The following IRAK3 variants were observed in gnomAD, a reference collection of about 807,000 sequenced individuals.
IRAK3 encodes the protein interleukin 1 receptor associated kinase 3.
A neutral mutation model predicts 56.6 loss-of-function variants in IRAK3; 57 were observed. The ratio of observed to expected loss-of-function variants is 1.01; its 90% CI spans 0.81 to 1.26. IRAK3 has a LOEUF of 1.26. Among genes scored for constraint, IRAK3 ranks in the 50% most tolerant of loss-of-function variants. IRAK3 has a pLI of 0.00. For synonymous variants in IRAK3, 258 were observed against 255.7 expected (o/e 1.01, Z -0.09); for missense variants, 703 against 719.0 (o/e 0.98, Z 0.25).
In IRAK3 at chr12:66,249,665, C is replaced by A; in HGVS notation, c.*1494C>A. On this transcript the variant is annotated 3_prime_UTR_variant, in exon 12 of 12. Coordinates refer to ENST00000261233, the MANE Select transcript of IRAK3 (RefSeq NM_007199.3). ...TTTCCAGCTTCTAGAGGCCACCTGC[C>A]TTCTTTGGCTCATGGCCTCTTCCTC... 1 of 152,750 alleles carries A rather than the reference C, an allele frequency of 6.5e-6. No individual in the cohort carries two copies. Among genetic ancestry groups the A allele is most frequent in the South Asian group, 1.9e-4 (1 of 5,292 alleles). The allele number at this position is 152,750 out of a possible 1,614,324, so 9.5% of individuals were successfully genotyped here. A position where few individuals can be genotyped will look rare whatever the true frequency, so the allele number is the denominator to read the frequency against.
chr12:66,234,662 C>G (rs2052883365), intron 8 of IRAK3: 1 of 1,610,718 alleles, frequency 6.2e-7, no homozygotes, highest in African/African-American at 1.3e-5. Context: ...GGCAGAAACT[C>G]CTGGTGGTGT....
chr12:66,212,583 T>G (rs978629014), intron 5 of IRAK3, among the ~76,000 whole-genome samples: 1 of 152,160 alleles, frequency 6.6e-6, no homozygotes, highest in South Asian at 2.1e-4. Flanking sequence ...GCTCACAGTC[T>G]CTCTGGTGAA....
rs574597561 is a variant in IRAK3 at position 66,212,259 on chromosome 12, G to C, written c.588+662G>C. On this transcript the variant is annotated intron_variant, in intron 5 of 11. Coordinates refer to ENST00000261233, the MANE Select transcript of IRAK3 (RefSeq NM_007199.3). ...CAGGCTAAGCCACAGTTTGGCATTT[G>C]GTACTGCTTTATAAATTGTCTTCTA... 2.0e-5 allele frequency among the ~76,000 whole-genome samples: 3 copies of C among 152,270 alleles called. No individual in the cohort carries two copies. The East Asian group carries it at 5.8e-4, about 29-fold the overall frequency.
At chr12:66,193,169 G>A (rs1232763492) in intron 1 of IRAK3, among the ~76,000 whole-genome samples, 2 of 151,748 alleles carry the variant, frequency 1.3e-5, no homozygotes, top group African/African-American at 2.4e-5. Context: ...CACCATGCCC[G>A]GCTTAATTTT....
intron 5 of IRAK3, among the ~76,000 whole-genome samples, chr12:66,215,784 A>ACGCACG (rs2052665069): frequency 3.5e-5 from 1 of 28,784 alleles, no homozygotes; most frequent in African/African-American, 1.2e-4. Context: ...TTAACCCAAC[A>ACGCACG]TGCACACACA....
At chr12:66,244,376 A>G in intron 8 of IRAK3, 110 bp from the exon 9 acceptor site, 1 of 768,842 alleles carries the variant, frequency 1.3e-6, no homozygotes, top group South Asian at 1.5e-5. Flanking sequence ...CTTTATTTTG[A>G]CAGTGTTTCG....
chr12:66,204,366 G>A (rs2052537210), intron 2 of IRAK3, among the ~76,000 whole-genome samples: 1 of 151,948 alleles, frequency 6.6e-6, no homozygotes, highest in African/African-American at 2.4e-5. Context: ...AATAATCTGG[G>A]GATGTTTCTT....
At chr12:66,240,382 T>C (rs559208364) in intron 8 of IRAK3, among the ~76,000 whole-genome samples, 1 of 152,308 alleles carries the variant, frequency 6.6e-6, no homozygotes, top group East Asian at 1.9e-4. Flanking sequence ...TTGAATACTG[T>C]GTCTCTCAGA....
chr12:66,235,445 G>T (rs1234163524), intron 8 of IRAK3, among the ~76,000 whole-genome samples: 2 of 151,470 alleles, frequency 1.3e-5, no homozygotes, highest in African/African-American at 4.8e-5. Flanking sequence ...GGCGGGGGCT[G>T]CAGCTCCGCG....
At chr12:66,191,820 A>G (rs182197930) in intron 1 of IRAK3, among the ~76,000 whole-genome samples, 2 of 152,362 alleles carry the variant, frequency 1.3e-5, no homozygotes, top group Admixed American at 1.3e-4. Context: ...TTGTATGCTC[A>G]GGACAGCTGA....
intron 8 of IRAK3, among the ~76,000 whole-genome samples, chr12:66,230,241 CT>C (rs1444589639): frequency 1.3e-5 from 2 of 152,198 alleles, no homozygotes. Flanking sequence ...CACTTTCTCA[CT>C]GTTGGTTCGT....
chr12:66,189,252 G>A lies in IRAK3; in HGVS notation c.-48G>A. ...TTGTGTAACGGCCTGTCGCAGGCGTGCAGGGACCTGGACTCCGCCTCGTCC... is the reference window on the plus strand; with the variant it reads ...TTGTGTAACGGCCTGTCGCAGGCGTACAGGGACCTGGACTCCGCCTCGTCC... On this transcript the variant is annotated 5_prime_UTR_variant, in exon 1 of 12. Transcript: ENST00000261233. 1 of 1,531,664 alleles carries A rather than the reference G, an allele frequency of 6.5e-7. No homozygotes were observed. Among genetic ancestry groups the A allele is most frequent in the Non-Finnish European group, 8.7e-7 (1 of 1,144,362 alleles). The allele number at this position is 1,531,664 out of a possible 1,614,324, so 94.9% of individuals were successfully genotyped here.
In IRAK3 at chr12:66,193,745, A is replaced by G. The variant is rs369568499; in HGVS notation, c.133+4313A>G. Among the ~76,000 whole-genome samples, 9 of 152,360 alleles carry G rather than the reference A, an allele frequency of 5.9e-5. No homozygotes were observed. In the East Asian group the frequency reaches 1.3e-3, roughly 23 times the overall value. On this transcript the variant is annotated intron_variant, in intron 1 of 11. Transcript: ENST00000261233. ...GTTATGGATTTGGGGGAGGAAAACC[A>G]TAAAGTACTGACCTGTATCCAGGGT... is the stretch of plus-strand genomic sequence containing the variant.
At position 66,211,542 on chromosome 12, in the gene IRAK3, A is replaced by T; in HGVS notation, c.533A>T (p.Glu178Val). ...DFLIGEGEIFEVYRVEIQNLT... is the reference protein window; with the variant it reads ...DFLIGEGEIFVVYRVEIQNLT... ...CTAATTGGAGAAGGAGAGATTTTTG[A>T]GGTATACAGAGTGGAGATTCAAAAC... The change falls in exon 5 of 12, where the codon GAG becomes GTG. Residue 178 changes from glutamate to valine, a missense_variant. Glu to Val is a moderately radical substitution (Grantham distance 121, BLOSUM62 -2). Transcript: ENST00000261233. 1 of 1,611,188 alleles carries T rather than the reference A, an allele frequency of 6.2e-7. No homozygotes were observed. Among genetic ancestry groups the T allele is most frequent in the Non-Finnish European group, 8.5e-7 (1 of 1,177,388 alleles).
At chr12:66,207,183 T>G (rs2052566122) in intron 2 of IRAK3, among the ~76,000 whole-genome samples, 1 of 152,200 alleles carries the variant, frequency 6.6e-6, no homozygotes, top group Non-Finnish European at 1.5e-5. Context: ...AAAAATCTTC[T>G]ATTTCGGCCA....
rs1311710189 is a variant in IRAK3 at position 66,252,891 on chromosome 12, T to TG, written c.*4724dup. On this transcript the variant is annotated 3_prime_UTR_variant, in exon 12 of 12. Transcript: ENST00000261233. ...TTCTTCTATTGGTATGTGGTTTCTT[T>TG]GGGGCATTTGTTTGGATACTGATGG... 6.6e-5 allele frequency: 10 copies of TG among 152,266 alleles called. No individual in the cohort carries two copies. The highest frequency in any genetic ancestry group is 2.4e-4 in the African/African-American group (10 of 41,454). 9.4% of individuals were successfully genotyped at this position (152,266 alleles called of 1,614,324 possible).
In IRAK3 at chr12:66,252,929, G is replaced by A. The variant is rs1304549466; in HGVS notation, c.*4758G>A. The A allele has an allele frequency of 2.0e-5, 3 of 152,134 alleles. No individual in the cohort carries two copies. The highest frequency in any genetic ancestry group is 7.2e-5 in the African/African-American group (3 of 41,410). 9.4% of individuals were successfully genotyped at this position (152,134 alleles called of 1,614,324 possible). On this transcript the variant is annotated 3_prime_UTR_variant, in exon 12 of 12. Coordinates refer to ENST00000261233, the MANE Select transcript of IRAK3 (RefSeq NM_007199.3). ...TGGATACTGATGGCATCTTCCGGGGGTCTGAGGCACCTACACAAACCTCAG... is the reference window on the plus strand; with the variant it reads ...TGGATACTGATGGCATCTTCCGGGGATCTGAGGCACCTACACAAACCTCAG...
At chr12:66,226,366 G>A (rs749708425) in intron 6 of IRAK3, among the ~76,000 whole-genome samples, 4 of 151,814 alleles carry the variant, frequency 2.6e-5, no homozygotes, top group Non-Finnish European at 5.9e-5. Context: ...TCAGCCTCCC[G>A]AGTAGCTGGG....
Position 66,244,666 on chromosome 12 carries a change from T to C in IRAK3, c.1068T>C (p.Asp356=), listed in dbSNP as rs754507378. ...IRQGKLSIKT[D]VYSFGIVIME... Reference sequence around the variant, plus strand: ...AGGGGAAACTTTCCATTAAAACAGATGTCTACAGCTTTGGAATTGTGAGTA... The same window carrying C: ...AGGGGAAACTTTCCATTAAAACAGACGTCTACAGCTTTGGAATTGTGAGTA... The change falls in exon 9 of 12, where the codon GAT becomes GAC. Residue 356 remains aspartate, a synonymous_variant. Coordinates refer to ENST00000261233, the MANE Select transcript of IRAK3 (RefSeq NM_007199.3). 1.1e-5 allele frequency: 17 copies of C among 1,613,608 alleles called. No individual in the cohort carries two copies. Among genetic ancestry groups the C allele is most frequent in the Non-Finnish European group, 1.4e-5 (16 of 1,179,656 alleles).
Sources: gnomAD v4.1 joint callset for allele counts (sites outside exome capture counted in the v4.1 genomes callset) on GRCh38, gnomAD v4.1.1 for gene constraint, MANE v1.5 for transcripts, NCBI Gene and HGNC (gene_info 2026-07-23, HGNC 2026-07-21) for gene names.